The following STOX1 variants were observed in gnomAD, a reference collection of about 807,000 sequenced individuals.
STOX1 encodes the protein storkhead box 1.
A neutral mutation model predicts 74.8 loss-of-function variants in STOX1; 57 were observed. That is an observed-to-expected ratio of 0.76 (90% CI 0.62 to 0.95). The LOEUF is 0.95. Among genes scored for constraint, STOX1 ranks in the 40% least tolerant of loss-of-function variants. STOX1 has a pLI of 0.00. For synonymous variants in STOX1, 375 were observed against 401.3 expected, an observed-to-expected ratio of 0.93 and a Z score of 0.78; for missense variants, 1,010 against 1,117.0, an observed-to-expected ratio of 0.90 and a Z score of 1.37.
intron 1 of STOX1, among the ~76,000 whole-genome samples, chr10:68,851,086 C>A (rs1839971880): frequency 6.7e-6 from 1 of 149,802 alleles, no homozygotes; most frequent in Non-Finnish European, 1.5e-5. Context: ...AGGGGAGGAT[C>A]ACTTGAGCCC....
intron 1 of STOX1, among the ~76,000 whole-genome samples, chr10:68,838,111 G>A (rs1446938009): frequency 6.0e-5 from 9 of 150,984 alleles, no homozygotes; most frequent in Admixed American, 5.9e-4. Flanking sequence ...CTGTTGCCCA[G>A]GCTGGAGTGT....
At chr10:68,830,258 G>A (rs1459935690) in intron 1 of STOX1, among the ~76,000 whole-genome samples, 3 of 152,152 alleles carry the variant, frequency 2.0e-5, no homozygotes, top group Non-Finnish European at 2.9e-5. Flanking sequence ...GGTGTGCAAC[G>A]CAGTGGACTT....
chr10:68,872,342 CTTTT>C (rs72451894), intron 1 of STOX1, among the ~76,000 whole-genome samples: 4 of 89,320 alleles, frequency 4.5e-5, no homozygotes, highest in Admixed American at 1.3e-4. Context: ...TTTTTCTTTT[CTTTT>C]TTTTTTTTTT....
At chr10:68,837,165 T>C (rs1024763569) in intron 1 of STOX1, among the ~76,000 whole-genome samples, 3 of 152,204 alleles carry the variant, frequency 2.0e-5, no homozygotes, top group African/African-American at 4.8e-5. Context: ...TACACAGTTA[T>C]AGGGAGCAAT....
intron 1 of STOX1, among the ~76,000 whole-genome samples, chr10:68,868,201 T>C (rs1355964735): frequency 6.6e-6 from 1 of 152,018 alleles, no homozygotes; most frequent in Non-Finnish European, 1.5e-5. Flanking sequence ...AGAAATAGAG[T>C]GCAAAGTGGG....
chr10:68,836,494 G>A (rs974420117), intron 1 of STOX1, among the ~76,000 whole-genome samples: 2 of 152,180 alleles, frequency 1.3e-5, no homozygotes, highest in South Asian at 2.1e-4. Context: ...CAAGACCTCC[G>A]TCTGTCCTTC....
At chr10:68,841,929 G>A (rs1375003913) in intron 1 of STOX1, among the ~76,000 whole-genome samples, 3 of 152,138 alleles carry the variant, frequency 2.0e-5, no homozygotes, top group African/African-American at 7.2e-5. Flanking sequence ...ACCTTACAGA[G>A]AGCCATGTCT....
chr10:68,867,181 G>T (rs554665348), intron 1 of STOX1, among the ~76,000 whole-genome samples: 8 of 152,030 alleles, frequency 5.3e-5, no homozygotes, highest in African/African-American at 1.9e-4. Context: ...TCCTGACCTC[G>T]TGATCCGCCC....
At chr10:68,859,621 TCA>T (rs1840211102) in intron 1 of STOX1, among the ~76,000 whole-genome samples, 1 of 152,112 alleles carries the variant, frequency 6.6e-6, no homozygotes, top group East Asian at 1.9e-4. Flanking sequence ...AATGTTTTGC[TCA>T]CAGCAGAAAA....
rs114834039 is a variant in STOX1, at chr10:68,885,271, G to A, written c.1475G>A (p.Arg492Gln). 966 of 1,614,176 alleles carry A rather than the reference G, an allele frequency of 6.0e-4. 8 individuals carry two copies. The African/African-American group carries it at 0.011, about 18-fold the overall frequency. Reference protein sequence around the residue: ...VLGSHLIYKKRISNPFQGLSH... With the variant: ...VLGSHLIYKKQISNPFQGLSH... ...GGTTCCCATTTGATTTACAAAAAGC[G>A]AATCAGTAATCCTTTCCAGGGTTTG... Residue 492 changes from arginine (R) to glutamine (Q), a missense_variant, in exon 3 of 4, where the codon CGA becomes CAA. Physicochemically the swap from Arg to Gln is conservative, Grantham distance 43 (BLOSUM62 1). Coordinates refer to ENST00000298596, the MANE Select transcript of STOX1 (RefSeq NM_152709.5).
rs539034834 is a variant in STOX1, at chr10:68,850,630, A to G, written c.310+22697A>G. ...CAATATTTCCCAAAGTGTGGCATGTATATTATTGTGGTGGTCATTGTGGTG... is the reference window on the plus strand; with the variant it reads ...CAATATTTCCCAAAGTGTGGCATGTGTATTATTGTGGTGGTCATTGTGGTG... On this transcript the variant is annotated intron_variant, in intron 1 of 3. Transcript: ENST00000298596. Among the ~76,000 whole-genome samples, 18 of 152,336 alleles carry G rather than the reference A, an allele frequency of 1.2e-4. No individual in the cohort carries two copies. In the East Asian group the frequency reaches 2.7e-3, roughly 23 times the overall value.
At chr10:68,890,034 C>A (rs1324558009) in intron 3 of STOX1, among the ~76,000 whole-genome samples, 1 of 151,796 alleles carries the variant, frequency 6.6e-6, no homozygotes, top group Non-Finnish European at 1.5e-5. Context: ...AGTGATCTGC[C>A]CACCTTGGCC....
intron 1 of STOX1, among the ~76,000 whole-genome samples, chr10:68,874,585 C>T (rs1181005134): frequency 2.4e-5 from 2 of 84,938 alleles, no homozygotes; most frequent in East Asian, 2.3e-4. Flanking sequence ...CCTTGCTTCC[C>T]GGGAGGCGGA....
Position 68,884,623 on chromosome 10 carries a change from T to TA in STOX1, c.828dup (p.Ser277IlefsTer18). On this transcript the variant is annotated frameshift_variant, in exon 3 of 4. Coordinates refer to ENST00000298596, the MANE Select transcript of STOX1 (RefSeq NM_152709.5). LOFTEE classifies it high-confidence loss of function. ...AGTCACAGAGGTCTTGGGGAATCCG[T>TA]ATCTTGGGTACAGAATGGGGCAGTT... is the stretch of plus-strand genomic sequence containing the variant. The TA allele has an allele frequency of 3.7e-6, 6 of 1,614,016 alleles. No individual in the cohort carries two copies. The highest frequency in any genetic ancestry group is 5.1e-6 in the Non-Finnish European group (6 of 1,180,042).
In STOX1 at chr10:68,884,708, T is replaced by G; in HGVS notation, c.912T>G (p.Asp304Glu). 1 of 1,614,064 alleles carries G rather than the reference T, an allele frequency of 6.2e-7. No individual in the cohort carries two copies. The highest frequency in any genetic ancestry group is 8.5e-7 in the Non-Finnish European group (1 of 1,180,014). ...CCAAACCTTTACCATACACAAGAGA[T>G]AAAGAAAAAGGCAAGAAGTTTGGTT... Reference protein sequence around the residue: ...ESTKPLPYTRDKEKGKKFGFS... With the variant: ...ESTKPLPYTREKEKGKKFGFS... The change falls in exon 3 of 4, where the codon GAT (aspartate) becomes GAG (glutamate). Residue 304 changes from aspartate (D) to glutamate (E), a missense_variant. Transcript: ENST00000298596.
At position 68,885,709 on chromosome 10, in the gene STOX1, C is replaced by T. The variant is rs779394146; in HGVS notation, c.1913C>T (p.Pro638Leu). ...AAATTAGGGGAGACCAAACAGACTC[C>T]GCATAGTCTGCCATCACGAGGTGCC... ...FDKLGETKQT[P>L]HSLPSRGASF... Residue 638 changes from proline (P) to leucine (L), a missense_variant, in exon 3 of 4, where the codon CCG becomes CTG. Physicochemically the swap from Pro to Leu is moderately conservative, Grantham distance 98. Transcript: ENST00000298596. 1.4e-5 allele frequency: 22 copies of T among 1,614,104 alleles called. No homozygotes were observed. Among genetic ancestry groups the T allele is most frequent in the Middle Eastern group, 1.6e-4 (1 of 6,062 alleles).
chr10:68,863,565 C>G (rs775991914), intron 1 of STOX1, among the ~76,000 whole-genome samples: 1 of 152,088 alleles, frequency 6.6e-6, no homozygotes, highest in African/African-American at 2.4e-5. Context: ...GTGAAAGTGT[C>G]TAGCATTAGA....
intron 1 of STOX1, among the ~76,000 whole-genome samples, chr10:68,868,298 C>T (rs1289170881): frequency 6.6e-6 from 1 of 152,216 alleles, no homozygotes; most frequent in African/African-American, 2.4e-5. Context: ...AGATAAACAT[C>T]GTTTCTGCAG....
At chr10:68,844,292 TTC>T (rs1392353981) in intron 1 of STOX1, among the ~76,000 whole-genome samples, 33 of 107,632 alleles carry the variant, frequency 3.1e-4, no homozygotes, top group Middle Eastern at 4.1e-3. Flanking sequence ...TGTCTGGATC[TTC>T]TTTTTTTTTT....
Sources: gnomAD v4.1 joint callset for allele counts (sites outside exome capture counted in the v4.1 genomes callset) on GRCh38, gnomAD v4.1.1 for gene constraint, MANE v1.5 for transcripts, NCBI Gene and HGNC (gene_info 2026-07-23, HGNC 2026-07-21) for gene names.